FARP1: variants seen among roughly 807,000 people sequenced by gnomAD.
FARP1 encodes FERM, ARH/RhoGEF and pleckstrin domain protein 1, also known as FERM, ARHGEF and pleckstrin domain-containing protein 1.
FARP1 carries 52 observed loss-of-function variants against 128.8 expected under a neutral mutation model. The observed-to-expected ratio is 0.40, with a 90% CI of 0.32 to 0.51. The LOEUF is 0.51. FARP1 is among the 20% of genes least tolerant of loss of function. FARP1 has a pLI of 0.45. For synonymous variants in FARP1, 580 were observed against 551.8 expected (o/e 1.05, Z -0.72); for missense variants, 1,333 against 1,367.9 (o/e 0.97, Z 0.40).
intron 5 of FARP1, among the ~76,000 whole-genome samples, chr13:98,369,338 C>G (rs9517275): frequency 0.51 from 76,346 of 148,790 alleles, 20,266 homozygotes; most frequent in Non-Finnish European, 0.6. Flanking sequence ...GGACACTAAT[C>G]TAACCAGCCT....
rs1594563721 is a variant in FARP1 at position 98,453,339 on chromosome 13, T to A, written c.*5022T>A. The A allele has an allele frequency of 7.9e-6, 7 of 887,392 alleles. No homozygotes were observed. The East Asian group carries it at 1.5e-4, about 19-fold the overall frequency. The allele number at this position is 887,392 out of a possible 1,614,324, so 55.0% of individuals were successfully genotyped here. On this transcript the variant is annotated 3_prime_UTR_variant, in exon 27 of 27. Transcript: ENST00000319562. ...CATACAAAAATAAGTGGAGCAAATA[T>A]CAATGTGTAAGTCTAATTTTAAAAG...
At chr13:98,356,916 A>G (rs1379725881) in intron 3 of FARP1, among the ~76,000 whole-genome samples, 1 of 152,200 alleles carries the variant, frequency 6.6e-6, no homozygotes, top group East Asian at 1.9e-4. Context: ...ATTAGGCATG[A>G]GCCACTGAGC....
chr13:98,323,914 C>T (rs928458776), intron 2 of FARP1, among the ~76,000 whole-genome samples: 5 of 152,092 alleles, frequency 3.3e-5, no homozygotes, highest in Admixed American at 2.0e-4. Flanking sequence ...AGCTAACTTC[C>T]GAGCAATTAA....
chr13:98,428,948 G>A lies in FARP1; in HGVS notation c.1906-2095G>A, dbSNP rs563954590. Among the ~76,000 whole-genome samples, 12 of 152,342 alleles carry A rather than the reference G, an allele frequency of 7.9e-5. No homozygotes were observed. The South Asian group carries it at 2.1e-3, about 26-fold the overall frequency. On this transcript the variant is annotated intron_variant, in intron 17 of 26. Transcript: ENST00000319562. ...TGCACGCACACACATGCAAGAGCGTGTATAACTGGTGCAATCTGAATAAGC... is the reference window on the plus strand; with the variant it reads ...TGCACGCACACACATGCAAGAGCGTATATAACTGGTGCAATCTGAATAAGC...
intron 1 of FARP1, among the ~76,000 whole-genome samples, chr13:98,149,137 C>T (rs1332441793): frequency 6.6e-6 from 1 of 152,174 alleles, no homozygotes; most frequent in African/African-American, 2.4e-5. Context: ...ATCCTCCTGC[C>T]TCGGCCTCCC....
chr13:98,302,618 G>A (rs1390990242), intron 2 of FARP1, among the ~76,000 whole-genome samples: 2 of 152,202 alleles, frequency 1.3e-5, no homozygotes, highest in East Asian at 3.8e-4. Context: ...GTTGTCTGGA[G>A]AGATCAAGGA....
chr13:98,287,236 TTTTTTTTTTTTTG>T (rs1885223165), intron 2 of FARP1, among the ~76,000 whole-genome samples: 2 of 87,094 alleles, frequency 2.3e-5, no homozygotes, highest in African/African-American at 4.2e-5. Context: ...TTTTTTTTTT[TTTTTTTTTTTTTG>T]AGATGGAGTC....
At chr13:98,432,949 G>A (rs139890102) in intron 18 of FARP1, 1 of 146,690 alleles carries the variant, frequency 6.8e-6, no homozygotes, top group African/African-American at 2.7e-5. Flanking sequence ...GGGGCGTTAG[G>A]GGGTGTTGGG....
intron 11 of FARP1, among the ~76,000 whole-genome samples, chr13:98,393,049 T>C (rs1890372410): frequency 6.6e-6 from 1 of 152,136 alleles, no homozygotes; most frequent in African/African-American, 2.4e-5. Context: ...ACCTGAGCAT[T>C]TCAGTGCCTG....
intron 16 of FARP1, among the ~76,000 whole-genome samples, chr13:98,414,561 C>T (rs1007825638): frequency 1.8e-4 from 27 of 152,160 alleles, no homozygotes; most frequent in African/African-American, 4.6e-4. Flanking sequence ...ATCGGCTCCT[C>T]GTTGAAGTTA....
chr13:98,340,247 C>T (rs1887910045), intron 2 of FARP1, among the ~76,000 whole-genome samples: 1 of 152,126 alleles, frequency 6.6e-6, no homozygotes, highest in African/African-American at 2.4e-5. Flanking sequence ...ATTTTCATCA[C>T]AGATAGGAAA....
At chr13:98,283,495 A>G (rs2139633645) in intron 2 of FARP1, among the ~76,000 whole-genome samples, 1 of 152,332 alleles carries the variant, frequency 6.6e-6, no homozygotes, top group Admixed American at 6.5e-5. Context: ...AGAGGCTACC[A>G]AACAGGACAG....
intron 1 of FARP1, among the ~76,000 whole-genome samples, chr13:98,200,871 G>A (rs1486531558): frequency 1.3e-5 from 2 of 151,976 alleles, no homozygotes; most frequent in African/African-American, 4.8e-5. Context: ...TCTTTTGAAT[G>A]TAAGTGTTTT....
chr13:98,223,514 T>C (rs1881557260), intron 2 of FARP1, among the ~76,000 whole-genome samples: 1 of 152,056 alleles, frequency 6.6e-6, no homozygotes, highest in Non-Finnish European at 1.5e-5. Flanking sequence ...TTAGGAGAGA[T>C]GGAGTTTCAC....
At chr13:98,242,606 G>A (rs550172153) in intron 2 of FARP1, among the ~76,000 whole-genome samples, 1 of 152,206 alleles carries the variant, frequency 6.6e-6, no homozygotes, top group African/African-American at 2.4e-5. Context: ...TTGAGCCAAG[G>A]AGGTTGATGC....
At position 98,343,158 on chromosome 13, in the gene FARP1, G is replaced by GA. The variant is rs1485036638; in HGVS notation, c.172-603dup. ...GACATTCTGGGAAAGGCAAACTATA[G>GA]AGACAGTAAGATCAGTGTTCGCCAG... On this transcript the variant is annotated intron_variant, in intron 2 of 26. Transcript: ENST00000319562. Among the ~76,000 whole-genome samples the GA allele has an allele frequency of 2.8e-4, 42 of 152,140 alleles. 1 individual carries two copies. Among genetic ancestry groups the GA allele is most frequent in the Admixed American group, 2.8e-3 (42 of 15,270 alleles).
chr13:98,279,828 T>C (rs971768794), intron 2 of FARP1, among the ~76,000 whole-genome samples: 1 of 152,188 alleles, frequency 6.6e-6, no homozygotes, highest in Non-Finnish European at 1.5e-5. Context: ...GGATGTAGGA[T>C]GTGGCTTTGT....
intron 1 of FARP1, among the ~76,000 whole-genome samples, chr13:98,211,542 T>C (rs1266353294): frequency 6.6e-6 from 1 of 152,216 alleles, no homozygotes; most frequent in Non-Finnish European, 1.5e-5. Flanking sequence ...ATTTCTAAAA[T>C]ACATCTTGAA....
rs1453702427 is a variant in FARP1, at chr13:98,440,832, T to C, written c.2792T>C (p.Val931Ala). The change falls in exon 24 of 27, where the codon GTG (valine) becomes GCG (alanine). Residue 931 changes from valine (V) to alanine (A), a missense_variant. Val to Ala is a moderately conservative substitution (Grantham distance 64). This residue lies in a region of FARP1 where 1,009 missense variants were observed against 969.8 expected (regional missense o/e 1.04). Coordinates refer to ENST00000319562, the MANE Select transcript of FARP1 (RefSeq NM_005766.4). ...TCCATGGTGGACTTCAGCATCGCAG[T>C]GGAGGTACGCAGGGGCAGGGCAGCT... is the stretch of plus-strand genomic sequence containing the variant. ...SVSMVDFSIA[V>A]ENQLSGNLLR... is the part of the protein sequence containing the mutation. 6.2e-7 allele frequency: 1 copy of C among 1,603,066 alleles called. No homozygotes were observed. Among genetic ancestry groups the C allele is most frequent in the African/African-American group, 1.3e-5 (1 of 74,630 alleles).
Sources: gnomAD v4.1 joint callset for allele counts (sites outside exome capture counted in the v4.1 genomes callset) on GRCh38, gnomAD v4.1.1 for gene constraint, gnomAD v4.1.1 regional missense constraint, MANE v1.5 for transcripts, NCBI Gene and HGNC (gene_info 2026-07-23, HGNC 2026-07-21) for gene names.